SLAMF7: variants seen among roughly 807,000 people sequenced by gnomAD.
SLAMF7 encodes 19A24 protein.
Under a neutral mutation model 34.1 loss-of-function variants are expected in SLAMF7, and 26 were observed. That is an observed-to-expected ratio of 0.76 (90% CI 0.56 to 1.06). SLAMF7 has a LOEUF of 1.06. Ranked by LOEUF, SLAMF7 falls within the 50% of genes least tolerant of loss-of-function variation. The pLI is 0.00. For missense variants in SLAMF7, 399 were observed against 402.5 expected, an observed-to-expected ratio of 0.99 and a Z score of 0.07; for synonymous variants, 171 against 156.4, an observed-to-expected ratio of 1.09 and a Z score of -0.70.
At chr1:160,745,722 T>C (rs566386268) in intron 1 of SLAMF7, among the ~76,000 whole-genome samples, 2 of 152,200 alleles carry the variant, frequency 1.3e-5, no homozygotes, top group African/African-American at 2.4e-5. Context: ...CCAGTACAAT[T>C]GTATTTACAA....
chr1:160,740,862 C>T (rs7521486), intron 1 of SLAMF7, among the ~76,000 whole-genome samples: 18,854 of 152,172 alleles, frequency 0.12, 1,297 homozygotes, highest in Non-Finnish European at 0.15. Context: ...AGAGAGATCA[C>T]GCTTCTTGGG....
At chr1:160,746,891 G>A (rs180879886) in intron 1 of SLAMF7, among the ~76,000 whole-genome samples, 6 of 152,238 alleles carry the variant, frequency 3.9e-5, no homozygotes, top group Non-Finnish European at 7.4e-5. Flanking sequence ...CATAAATCTC[G>A]TGTCTCATTA....
rs1664788992 is a variant in SLAMF7, at chr1:160,753,357, C to T, written c.*180C>T. 1 of 602,706 alleles carries T rather than the reference C, an allele frequency of 1.7e-6. No homozygotes were observed. The highest frequency in any genetic ancestry group is 2.9e-6 in the Non-Finnish European group (1 of 346,470). 37.3% of individuals were successfully genotyped at this position (602,706 alleles called of 1,614,324 possible). ...TAGATTTAAGAGTTCATAATTCCAT[C>T]CACTGCTGAGAAATCTCCTCAAACC... is the stretch of plus-strand genomic sequence containing the variant. On this transcript the variant is annotated 3_prime_UTR_variant, in exon 7 of 7. Transcript: ENST00000368043.
chr1:160,739,100 G>T, upstream of SLAMF7: 1 of 612,972 alleles, frequency 1.6e-6, no homozygotes, highest in Non-Finnish European at 2.9e-6. Context: ...TGATGAAGAT[G>T]GGGAGCAAAT....
At position 160,749,960 on chromosome 1, in the gene SLAMF7, T is replaced by A. The variant is rs754928717; in HGVS notation, c.516T>A (p.Asn172Lys). The change falls in exon 3 of 7, where the codon AAT becomes AAA. Residue 172 changes from asparagine to lysine, a missense_variant. Coordinates refer to ENST00000368043, the MANE Select transcript of SLAMF7 (RefSeq NM_021181.5). ...GGAAGGCCCTGGGGCAAGCAGCCAA[T>A]GAGTCCCATAATGGGTCCATCCTCC... is the stretch of plus-strand genomic sequence containing the variant. ...YTWKALGQAA[N>K]ESHNGSILPI... The A allele has an allele frequency of 1.9e-6, 3 of 1,614,122 alleles. No homozygotes were observed. The highest frequency in any genetic ancestry group is 2.5e-6 in the Non-Finnish European group (3 of 1,179,974).
rs1019295030 is a variant in SLAMF7 at position 160,745,329 on chromosome 1, C to T, written c.56-2865C>T. Among the ~76,000 whole-genome samples, 4 of 152,078 alleles carry T rather than the reference C, an allele frequency of 2.6e-5. No individual in the cohort carries two copies. The East Asian group carries it at 5.8e-4, about 22-fold the overall frequency. On this transcript the variant is annotated intron_variant, in intron 1 of 6. Transcript: ENST00000368043. ...GCACCCAAGGGCTTTGAAATTGACA[C>T]TAGAGTCCCTTAGGGGGATGGAGAA...
Position 160,753,206 on chromosome 1 carries a change from TC to T in SLAMF7, c.*30del. On this transcript the variant is annotated 3_prime_UTR_variant, in exon 7 of 7. Transcript: ENST00000368043. ...GCAGTGCACTCCCCTAAGTCTCTGC[TC>T]AAAAAAAAAACAATTCTCGGCCCAA... 1 of 1,548,136 alleles carries T rather than the reference TC, an allele frequency of 6.5e-7. No individual in the cohort carries two copies.
At chr1:160,744,360 G>A (rs950723628) in intron 1 of SLAMF7, among the ~76,000 whole-genome samples, 7 of 151,954 alleles carry the variant, frequency 4.6e-5, no homozygotes, top group African/African-American at 7.2e-5. Context: ...CCCACATTCC[G>A]AGAATGGCAT....
At position 160,750,030 on chromosome 1, in the gene SLAMF7, G is replaced by A. The variant is rs201990333; in HGVS notation, c.586G>A (p.Val196Ile). 5.8e-4 allele frequency: 941 copies of A among 1,614,064 alleles called. 12 individuals carry two copies. In the South Asian group the frequency reaches 8.7e-3, roughly 15 times the overall value. Residue 196 changes from valine (V) to isoleucine (I), a missense_variant, in exon 3 of 7, where the codon GTT becomes ATT. Coordinates refer to ENST00000368043, the MANE Select transcript of SLAMF7 (RefSeq NM_021181.5). ...WGESDMTFIC[V>I]ARNPVSRNFS... ...AGAAAGTGATATGACCTTCATCTGC[G>A]TTGCCAGGAACCCTGTCAGCAGAAA...
chr1:160,751,840 CTCTCTCTCTCTCTCTCTCTCTCTATA>C (rs1664615190), intron 5 of SLAMF7: 1 of 59,554 alleles, frequency 1.7e-5, no homozygotes, highest in African/African-American at 7.4e-5. Flanking sequence ...CTCTCTCTCT[CTCTCTCTCTCTCTCTCTCTCTCTATA>C]TATATATATA....
At chr1:160,741,563 C>CT (rs994261844) in intron 1 of SLAMF7, among the ~76,000 whole-genome samples, 18 of 151,010 alleles carry the variant, frequency 1.2e-4, no homozygotes, top group Non-Finnish European at 2.2e-4. Flanking sequence ...TTTTTTTTGC[C>CT]TTTTTTTTTA....
chr1:160,748,515 G>C lies in SLAMF7; in HGVS notation c.376+1G>C, dbSNP rs1664309381. The C allele has an allele frequency of 6.2e-7, 1 of 1,606,964 alleles. No individual in the cohort carries two copies. Among genetic ancestry groups the C allele is most frequent in the Admixed American group, 1.7e-5 (1 of 59,664 alleles). On this transcript the variant is annotated splice_donor_variant, in intron 2 of 6. Coordinates refer to ENST00000368043, the MANE Select transcript of SLAMF7 (RefSeq NM_021181.5). LOFTEE classifies it high-confidence loss of function. ...CAGGAGTACGTGCTGCATGTCTACG[G>C]TGAGCAAAATCAGTTCCAATGGTGG...
At chr1:160,752,699 T>G (rs765005787) in intron 6 of SLAMF7, among the ~76,000 whole-genome samples, 1 of 152,200 alleles carries the variant, frequency 6.6e-6, no homozygotes, top group Non-Finnish European at 1.5e-5. Flanking sequence ...TCCCCTCAGT[T>G]AAACTACTAA....
Position 160,750,396 on chromosome 1 carries a change from T to C in SLAMF7, c.742T>C (p.Trp248Arg). ...TCTCTTTGTACTGGGGCTATTTCTT[T>C]GGTTTCTGAAGAGAGAGAGACAAGA... ...LSLFVLGLFL[W>R]FLKRERQEEY... is the part of the protein sequence containing the mutation. The change falls in exon 4 of 7, where the codon TGG becomes CGG. Residue 248 changes from tryptophan to arginine, a missense_variant. Coordinates refer to ENST00000368043, the MANE Select transcript of SLAMF7 (RefSeq NM_021181.5). The C allele has an allele frequency of 1.9e-6, 3 of 1,614,048 alleles. No individual in the cohort carries two copies. Among genetic ancestry groups the C allele is most frequent in the Non-Finnish European group, 2.5e-6 (3 of 1,179,926 alleles).
chr1:160,748,159 A>G lies in SLAMF7; in HGVS notation c.56-35A>G, dbSNP rs769871633. The stretch of plus-strand genomic sequence containing the variant: ...TGAGTAATTGGTGACAAGGACAGGG[A>G]ATCAGGCTTATTTTATGGTTCTCTG... On this transcript the variant is annotated intron_variant, in intron 1 of 6. Transcript: ENST00000368043. The G allele has an allele frequency of 1.9e-6, 3 of 1,597,796 alleles. No homozygotes were observed. The South Asian group carries it at 3.4e-5, about 18-fold the overall frequency.
At chr1:160,750,483 A>G in intron 4 of SLAMF7, 60 bp downstream of exon 4, 1 of 1,582,794 alleles carries the variant, frequency 6.3e-7, no homozygotes, top group East Asian at 2.2e-5. Flanking sequence ...TCACTGATTC[A>G]ACAAGCACAT....
At chr1:160,748,138 T>A in intron 1 of SLAMF7, 56 bp from the exon 2 acceptor site, 1 of 1,557,338 alleles carries the variant, frequency 6.4e-7, no homozygotes, top group South Asian at 1.2e-5. Context: ...AGGGGGTGAG[T>A]AATTGGTGAC....
In SLAMF7 at chr1:160,750,370, G is replaced by A. The variant is rs530007015; in HGVS notation, c.716G>A (p.Ser239Asn). 2 of 1,614,120 alleles carry A rather than the reference G, an allele frequency of 1.2e-6. No homozygotes were observed. The highest frequency in any genetic ancestry group is 1.3e-5 in the African/African-American group (1 of 75,040). Residue 239 changes from serine to asparagine, a missense_variant, in exon 4 of 7, where the codon AGT (serine) becomes AAT (asparagine). By Grantham distance (46) the Ser-to-Asn change is conservative. Coordinates refer to ENST00000368043, the MANE Select transcript of SLAMF7 (RefSeq NM_021181.5). Reference sequence around the variant, plus strand: ...CTCCTGTTGGTGCCCCTCCTGCTCAGTCTCTTTGTACTGGGGCTATTTCTT... The same window carrying A: ...CTCCTGTTGGTGCCCCTCCTGCTCAATCTCTTTGTACTGGGGCTATTTCTT... ...LCLLLVPLLLSLFVLGLFLWF... is the reference protein window; with the variant it reads ...LCLLLVPLLLNLFVLGLFLWF...
At chr1:160,740,876 G>A (rs1234922513) in intron 1 of SLAMF7, among the ~76,000 whole-genome samples, 1 of 152,200 alleles carries the variant, frequency 6.6e-6, no homozygotes, top group Non-Finnish European at 1.5e-5. Context: ...TCTTGGGCAA[G>A]ATAACACAGC....
Sources: gnomAD v4.1 joint callset for allele counts (sites outside exome capture counted in the v4.1 genomes callset) on GRCh38, gnomAD v4.1.1 for gene constraint, MANE v1.5 for transcripts, NCBI Gene and HGNC (gene_info 2026-07-23, HGNC 2026-07-21) for gene names.